The following DHX35 variants were observed in gnomAD, a reference collection of about 807,000 sequenced individuals.
DHX35 encodes probable ATP-dependent RNA helicase DHX35.
DHX35 carries 84 observed loss-of-function variants against 99.6 expected under a neutral mutation model. The ratio of observed to expected loss-of-function variants is 0.84; its 90% CI spans 0.71 to 1.01. DHX35 has a LOEUF of 1.01. DHX35 is among the 50% of genes least tolerant of loss of function. DHX35 has a pLI of 0.00. For synonymous variants in DHX35, 331 were observed against 316.2 expected, an observed-to-expected ratio of 1.05 and a Z score of -0.50; for missense variants, 852 against 888.5, an observed-to-expected ratio of 0.96 and a Z score of 0.52.
intron 17 of DHX35, 36 bp from the exon 18 acceptor site, chr20:39,025,194 T>C: frequency 6.3e-7 from 1 of 1,590,298 alleles, no homozygotes; most frequent in Non-Finnish European, 8.6e-7. Flanking sequence ...AGAACATATC[T>C]GTTTTCTAAC....
intron 13 of DHX35, among the ~76,000 whole-genome samples, chr20:39,013,388 G>A (rs1170942533): frequency 1.3e-5 from 2 of 152,150 alleles, no homozygotes; most frequent in African/African-American, 4.8e-5. Context: ...AAGAAACAAT[G>A]AAAACAGAAA....
intron 3 of DHX35, among the ~76,000 whole-genome samples, chr20:38,979,508 G>C (rs1422967487): frequency 1.3e-5 from 2 of 152,180 alleles, no homozygotes; most frequent in Admixed American, 1.3e-4. Flanking sequence ...TGTTGAAAAT[G>C]ACTAGATCAT....
At chr20:39,019,804 A>G (rs892532117) in intron 15 of DHX35, among the ~76,000 whole-genome samples, 1 of 152,210 alleles carries the variant, frequency 6.6e-6, no homozygotes, top group Non-Finnish European at 1.5e-5. Context: ...ATGCAGTGCA[A>G]TAGATCACTA....
chr20:38,988,827 A>G lies in DHX35; in HGVS notation c.360A>G (p.Val120=). The part of the protein sequence containing the change: ...RVAAVTVAGR[V]AEERGAVLGH... ...TCTTCCCAAAGGTTGCAGGGAGAGT[A>G]GCTGAAGAAAGGGGTGCAGTGCTGG... Residue 120 remains valine, a synonymous_variant, in exon 5 of 22, where the codon GTA becomes GTG. Coordinates refer to ENST00000252011, the MANE Select transcript of DHX35 (RefSeq NM_021931.4). The G allele has an allele frequency of 6.2e-7, 1 of 1,613,812 alleles. No individual in the cohort carries two copies. The highest frequency in any genetic ancestry group is 1.1e-5 in the South Asian group (1 of 91,084).
intron 12 of DHX35, among the ~76,000 whole-genome samples, chr20:39,007,657 A>T (rs1461937424): frequency 6.6e-6 from 1 of 152,106 alleles, no homozygotes; most frequent in African/African-American, 2.4e-5. Context: ...GATTGGGGAG[A>T]TTCAATTTCA....
intron 3 of DHX35, among the ~76,000 whole-genome samples, chr20:38,979,972 T>C (rs989676844): frequency 1.3e-5 from 2 of 152,174 alleles, no homozygotes; most frequent in African/African-American, 4.8e-5. Context: ...AAGCCCAGAT[T>C]TGGTGATCCT....
At chr20:39,021,758 T>C (rs1333894174) in intron 15 of DHX35, 83 bp from the exon 16 acceptor site, 1 of 1,334,748 alleles carries the variant, frequency 7.5e-7, no homozygotes, top group Non-Finnish European at 1.1e-6. Flanking sequence ...TTCAGTGTGG[T>C]GCAAGGAAAG....
At chr20:38,966,824 A>G (rs551864388) in intron 1 of DHX35, among the ~76,000 whole-genome samples, 1 of 152,378 alleles carries the variant, frequency 6.6e-6, no homozygotes, top group Non-Finnish European at 1.5e-5. Flanking sequence ...AAAACACAGC[A>G]GAAAAGGATA....
At position 39,034,321 on chromosome 20, in the gene DHX35, G is replaced by A. The variant is rs200523026; in HGVS notation, c.2067+4G>A. The stretch of plus-strand genomic sequence containing the variant: ...ACACTTTTATCAACAAGGAACGGTA[G>A]GAATGAACTGAGTCTGTGCCCCAGC... On this transcript the variant is annotated splice_donor_region_variant and intron_variant, in intron 21 of 21. Coordinates refer to ENST00000252011, the MANE Select transcript of DHX35 (RefSeq NM_021931.4). The A allele has an allele frequency of 1.8e-5, 29 of 1,611,294 alleles. 1 individual carries two copies. The African/African-American group carries it at 3.7e-4, about 21-fold the overall frequency.
intron 5 of DHX35, 98 bp from the exon 6 acceptor site, chr20:38,991,356 A>T: frequency 9.9e-7 from 1 of 1,006,896 alleles, no homozygotes; most frequent in South Asian, 1.6e-5. Context: ...ATTTACTTGT[A>T]CACATGCTGG....
intron 3 of DHX35, among the ~76,000 whole-genome samples, chr20:38,975,154 A>T (rs190674449): frequency 1.3e-3 from 195 of 152,090 alleles, no homozygotes; most frequent in African/African-American, 4.4e-3. Context: ...ACCCAGATGT[A>T]GGTATTTTTT....
In DHX35 at chr20:39,003,858, C is replaced by G; in HGVS notation, c.962C>G (p.Ser321Cys). Reference sequence around the variant, plus strand: ...CTCCCCATGTATGCAGGACTGCCTTCCTTTGAGCAAATGAAAGTGTTTGAA... The same window carrying G: ...CTCCCCATGTATGCAGGACTGCCTTGCTTTGAGCAAATGAAAGTGTTTGAA... ...RVLPMYAGLPSFEQMKVFERV... is the reference protein window; with the variant it reads ...RVLPMYAGLPCFEQMKVFERV... Residue 321 changes from serine (S) to cysteine (C), a missense_variant, in exon 11 of 22, where the codon TCC becomes TGC. Transcript: ENST00000252011. The G allele has an allele frequency of 6.2e-7, 1 of 1,614,184 alleles. No homozygotes were observed.
At chr20:39,002,166 T>C (rs1372265969) in intron 9 of DHX35, among the ~76,000 whole-genome samples, 1 of 152,172 alleles carries the variant, frequency 6.6e-6, no homozygotes, top group African/African-American at 2.4e-5. Context: ...AGGGGCAGTA[T>C]TGGTGATTTG....
intron 17 of DHX35, among the ~76,000 whole-genome samples, chr20:39,023,971 A>G (rs2086912040): frequency 6.6e-6 from 1 of 152,224 alleles, no homozygotes; most frequent in Non-Finnish European, 1.5e-5. Flanking sequence ...AGAAGAACAC[A>G]GGAATCATTC....
At chr20:39,013,593 G>C (rs148790824) in intron 13 of DHX35, among the ~76,000 whole-genome samples, 1 of 152,258 alleles carries the variant, frequency 6.6e-6, no homozygotes, top group South Asian at 2.1e-4. Context: ...ACTGGAAATC[G>C]GGCCAGGAAT....
chr20:38,979,211 A>G (rs1375714593), intron 3 of DHX35, among the ~76,000 whole-genome samples: 1 of 151,838 alleles, frequency 6.6e-6, no homozygotes, highest in Non-Finnish European at 1.5e-5. Context: ...TAATTTACCA[A>G]TCCCCAATTG....
intron 17 of DHX35, among the ~76,000 whole-genome samples, chr20:39,024,664 T>G (rs1232766400): frequency 6.6e-6 from 1 of 152,230 alleles, no homozygotes; most frequent in Non-Finnish European, 1.5e-5. Flanking sequence ...AATTACATTT[T>G]CTTTTTTAAA....
At chr20:39,030,827 C>G (rs761981810) in intron 20 of DHX35, 52 bp downstream of exon 20, 1 of 1,578,362 alleles carries the variant, frequency 6.3e-7, no homozygotes, top group Non-Finnish European at 8.7e-7. Context: ...GGGCCATGTT[C>G]TTGTTTTTCT....
intron 3 of DHX35, chr20:38,978,431 G>A: frequency 1.6e-6 from 1 of 625,074 alleles, no homozygotes; most frequent in Non-Finnish European, 2.9e-6. Flanking sequence ...ATGGGGTGGT[G>A]GCACGTACTT....
Sources: allele counts gnomAD v4.1 joint callset (sites outside exome capture counted in the v4.1 genomes callset), GRCh38; gene constraint gnomAD v4.1.1; transcripts MANE v1.5; gene names NCBI Gene and HGNC (gene_info 2026-07-23, HGNC 2026-07-21).